CLMP: variants seen among roughly 807,000 people sequenced by gnomAD.
CLMP encodes the protein CXADR-like membrane protein.
Under a neutral mutation model 45.2 loss-of-function variants are expected in CLMP, and 27 were observed. That is an observed-to-expected ratio of 0.60 (90% CI 0.44 to 0.82). The LOEUF (loss-of-function observed/expected upper bound fraction) is 0.82, where lower values mean the gene tolerates loss of function less well. Ranked by LOEUF, CLMP falls within the 40% of genes least tolerant of loss-of-function variation. CLMP has a pLI of 0.00. For missense variants in CLMP, 403 were observed against 448.4 expected (o/e 0.90, Z 0.91); for synonymous variants, 167 against 171.4 (o/e 0.97, Z 0.20).
intron 1 of CLMP, among the ~76,000 whole-genome samples, chr11:123,189,905 G>A (rs1861883173): frequency 6.6e-6 from 1 of 151,800 alleles, no homozygotes; most frequent in Admixed American, 6.6e-5. Context: ...AGGAGGCTGA[G>A]GCAGGAGAAT....
At chr11:123,110,966 TA>T (rs1860630348) in intron 1 of CLMP, among the ~76,000 whole-genome samples, 1 of 152,204 alleles carries the variant, frequency 6.6e-6, no homozygotes, top group Non-Finnish European at 1.5e-5. Flanking sequence ...ACCCAATATT[TA>T]ATGTCTTTTC....
intron 2 of CLMP, among the ~76,000 whole-genome samples, chr11:123,087,716 G>T (rs1197973024): frequency 1.3e-5 from 2 of 151,536 alleles, no homozygotes; most frequent in Non-Finnish European, 2.9e-5. Context: ...AGCTACTAAA[G>T]AGGCTGAGGC....
intron 5 of CLMP, among the ~76,000 whole-genome samples, chr11:123,075,380 T>TTTTG (rs149732146): frequency 1.5e-4 from 22 of 151,638 alleles, no homozygotes; most frequent in Non-Finnish European, 2.6e-4. Context: ...TGGCCAGGGT[T>TTTTG]TTTGTTTGTT....
intron 1 of CLMP, chr11:123,136,030 C>T: frequency 1.7e-6 from 1 of 585,098 alleles, no homozygotes; most frequent in Non-Finnish European, 3.4e-6. Context: ...TCCGGTGCTG[C>T]TTTGTTCGCT....
rs747709287 is a variant in CLMP, at chr11:123,186,366, C to T, written c.28+8547G>A. Among the ~76,000 whole-genome samples, 4 of 152,088 alleles carry T rather than the reference C, an allele frequency of 2.6e-5. No individual in the cohort carries two copies. The South Asian group carries it at 6.2e-4, about 24-fold the overall frequency. On this transcript the variant is annotated intron_variant, in intron 1 of 6. Coordinates refer to ENST00000448775, the MANE Select transcript of CLMP (RefSeq NM_024769.5). Reference sequence around the variant, plus strand: ...GGCAGCCTAAGTTGGCACAGGCACTCGGGGGCATGAGTCAAGAGGGTAGAA... The same window carrying T: ...GGCAGCCTAAGTTGGCACAGGCACTTGGGGGCATGAGTCAAGAGGGTAGAA...
intron 1 of CLMP, among the ~76,000 whole-genome samples, chr11:123,189,957 G>C (rs137862468): frequency 9.2e-4 from 137 of 148,994 alleles, no homozygotes; most frequent in Non-Finnish European, 1.8e-3. Context: ...AGTGGAGACT[G>C]TGCCACTGCA....
At chr11:123,131,327 A>G (rs1214061905) in intron 1 of CLMP, among the ~76,000 whole-genome samples, 2 of 152,162 alleles carry the variant, frequency 1.3e-5, no homozygotes, top group African/African-American at 4.8e-5. Context: ...CAAAGATTAG[A>G]AAAAAATACA....
chr11:123,143,617 G>A (rs1861196586), intron 1 of CLMP, among the ~76,000 whole-genome samples: 1 of 152,126 alleles, frequency 6.6e-6, no homozygotes, highest in African/African-American at 2.4e-5. Flanking sequence ...ACTCAATACT[G>A]CTAACAATCA....
rs75411284 is a variant in CLMP, at chr11:123,084,760, G to C, written c.187-47C>G. Reference sequence around the variant, plus strand: ...AGTCAAGCAGCGTAACTCTCAGCCTGCCTTTCCTGATGGTGTGAAGAAGAG... The same window carrying C: ...AGTCAAGCAGCGTAACTCTCAGCCTCCCTTTCCTGATGGTGTGAAGAAGAG... On this transcript the variant is annotated intron_variant, in intron 2 of 6. Transcript: ENST00000448775. 6 of 1,534,078 alleles carry C rather than the reference G, an allele frequency of 3.9e-6. No individual in the cohort carries two copies. In the East Asian group the frequency reaches 1.4e-4, roughly 35 times the overall value.
chr11:123,147,831 T>G (rs74777230), intron 1 of CLMP, among the ~76,000 whole-genome samples: 1 of 151,966 alleles, frequency 6.6e-6, no homozygotes, highest in Non-Finnish European at 1.5e-5. Context: ...TTTTTTTTTT[T>G]TGAGACAGGG....
intron 2 of CLMP, among the ~76,000 whole-genome samples, chr11:123,088,226 T>C (rs1399018658): frequency 6.6e-6 from 1 of 152,144 alleles, no homozygotes; most frequent in Non-Finnish European, 1.5e-5. Context: ...GTAGGTTTCT[T>C]GGCAGGTGAT....
At chr11:123,091,315 A>G (rs1029380757) in intron 2 of CLMP, among the ~76,000 whole-genome samples, 1 of 152,106 alleles carries the variant, frequency 6.6e-6, no homozygotes, top group African/African-American at 2.4e-5. Context: ...AGTTTGGCCA[A>G]GCTGGTCTCA....
intron 1 of CLMP, among the ~76,000 whole-genome samples, chr11:123,105,121 A>T (rs1299743225): frequency 6.6e-6 from 1 of 152,138 alleles, no homozygotes; most frequent in Non-Finnish European, 1.5e-5. Flanking sequence ...GCTTGAGAAA[A>T]TTACCTTCTG....
At chr11:123,184,770 C>A (rs1392972116) in intron 1 of CLMP, among the ~76,000 whole-genome samples, 1 of 152,214 alleles carries the variant, frequency 6.6e-6, no homozygotes, top group Non-Finnish European at 1.5e-5. Context: ...AATCAGCCAA[C>A]CTTCTCCTGG....
At chr11:123,159,431 C>A (rs1440608272) in intron 1 of CLMP, among the ~76,000 whole-genome samples, 4 of 152,170 alleles carry the variant, frequency 2.6e-5, no homozygotes, top group Non-Finnish European at 4.4e-5. Context: ...CTTCTCAGGT[C>A]TCCTGTGGGC....
chr11:123,135,797 A>G (rs1861062700), intron 1 of CLMP: 1 of 330,708 alleles, frequency 3.0e-6, no homozygotes, highest in South Asian at 3.0e-5. Context: ...TGAATTCAGT[A>G]TTTTCCAGCT....
chr11:123,193,474 C>G (rs2135555949), intron 1 of CLMP, among the ~76,000 whole-genome samples: 1 of 152,376 alleles, frequency 6.6e-6, no homozygotes, highest in East Asian at 1.9e-4. Context: ...TGCCATCCAG[C>G]TGCGCCAGAT....
At chr11:123,093,506 C>T (rs1865956464) in intron 2 of CLMP, among the ~76,000 whole-genome samples, 2 of 143,260 alleles carry the variant, frequency 1.4e-5, no homozygotes, top group Non-Finnish European at 3.0e-5. Context: ...ACCACCATGC[C>T]TGGCTAATTT....
chr11:123,083,277 G>T, intron 4 of CLMP, 70 bp from the exon 5 acceptor site: 1 of 1,405,260 alleles, frequency 7.1e-7, no homozygotes, highest in Non-Finnish European at 9.9e-7. Flanking sequence ...TTACTTTATT[G>T]TATCACTGAG....
Sources: gnomAD v4.1 joint callset for allele counts (sites outside exome capture counted in the v4.1 genomes callset) on GRCh38, gnomAD v4.1.1 for gene constraint, MANE v1.5 for transcripts, NCBI Gene and HGNC (gene_info 2026-07-23, HGNC 2026-07-21) for gene names.